Variants in CLCN5 observed in about 807,000 individuals in gnomAD.
CLCN5 encodes H(+)/Cl(-) exchange transporter 5.
A neutral mutation model predicts 54.0 loss-of-function variants in CLCN5; 17 were observed. The ratio of observed to expected loss-of-function variants is 0.31; its 90% CI spans 0.22 to 0.47. The LOEUF (loss-of-function observed/expected upper bound fraction) is 0.47, where lower values mean the gene tolerates loss of function less well. Among genes scored for constraint, CLCN5 ranks in the 20% least tolerant of loss-of-function variants. The probability of loss-of-function intolerance (pLI) is 1.00; values close to 1 mark genes in which losing one functional copy is unlikely to be tolerated. For missense variants in CLCN5, 448 were observed against 646.7 expected (o/e 0.69, Z 3.33); for synonymous variants, 222 against 233.0 (o/e 0.95, Z 0.43).
At chrX:50,076,842 G>A (rs1933423602) in intron 7 of CLCN5, among the ~76,000 whole-genome samples, 1 of 111,968 alleles carries the variant, frequency 8.9e-6, no homozygotes, top group South Asian at 3.7e-4. Flanking sequence ...CCTACCATAT[G>A]TTTTTTGATG....
chrX:49,998,934 T>TG (rs1474267622), intron 3 of CLCN5, among the ~76,000 whole-genome samples: 4 of 111,354 alleles, frequency 3.6e-5, no homozygotes, highest in Non-Finnish European at 7.5e-5. Context: ...AGTGTGTGTG[T>TG]TTTTTAATTC....
At chrX:50,030,941 G>A (rs1179554497) in intron 3 of CLCN5, among the ~76,000 whole-genome samples, 2 of 111,662 alleles carry the variant, frequency 1.8e-5, no homozygotes, top group African/African-American at 3.2e-5. Context: ...ATGTTCCAAA[G>A]TGAAAGTGAT....
intron 4 of CLCN5, among the ~76,000 whole-genome samples, chrX:50,049,088 C>A (rs1557188049): frequency 9.0e-6 from 1 of 111,374 alleles, no homozygotes; most frequent in Non-Finnish European, 1.9e-5. Flanking sequence ...CTGGTTCCTA[C>A]CACTCACAAT....
chrX:49,952,585 CCA>C (rs1927091279), intron 3 of CLCN5, among the ~76,000 whole-genome samples: 1 of 109,694 alleles, frequency 9.1e-6, no homozygotes, highest in Non-Finnish European at 1.9e-5. Flanking sequence ...TTCCTGCTCT[CCA>C]GAGGACACCT....
chrX:49,998,712 C>T (rs907057356), intron 3 of CLCN5, among the ~76,000 whole-genome samples: 8 of 111,412 alleles, frequency 7.2e-5, no homozygotes, highest in African/African-American at 2.6e-4. Context: ...CTCCACCACT[C>T]GTCTATATGT....
intron 3 of CLCN5, among the ~76,000 whole-genome samples, chrX:49,933,252 T>A (rs1320205015): frequency 2.7e-5 from 3 of 111,898 alleles, no homozygotes; most frequent in African/African-American, 9.7e-5. Flanking sequence ...GAAATAAATT[T>A]AAAAAATTTA....
chrX:49,941,943 T>TTTTTAG (rs1926362298), intron 3 of CLCN5, among the ~76,000 whole-genome samples: 2 of 91,145 alleles, frequency 2.2e-5, no homozygotes, highest in Non-Finnish European at 4.2e-5. Context: ...TTTTTTTTTT[T>TTTTTAG]GCAGGAGAAT....
chrX:50,086,450 G>A lies in CLCN5; in HGVS notation c.1137G>A (p.Glu379=). ...GCCGCCTGGTACTATTTTATGTGGA[G>A]TTTCACACCCCATGGCATCTCTTTG... The part of the protein sequence containing the change: ...GNSRLVLFYV[E]FHTPWHLFEL... Residue 379 remains glutamate (E), a synonymous_variant, in exon 11 of 15, where the codon GAG becomes GAA. Coordinates refer to ENST00000376091, the MANE Select transcript of CLCN5 (RefSeq NM_001127898.4). The A allele has an allele frequency of 8.3e-7, 1 of 1,211,282 alleles. No homozygotes were observed. Among genetic ancestry groups the A allele is most frequent in the Non-Finnish European group, 1.1e-6 (1 of 895,489 alleles).
At chrX:50,004,668 G>A (rs1930065169) in intron 3 of CLCN5, among the ~76,000 whole-genome samples, 1 of 111,630 alleles carries the variant, frequency 9.0e-6, no homozygotes, top group Non-Finnish European at 1.9e-5. Context: ...AGCACTTTGT[G>A]GGAGGCTAAG....
chrX:50,004,218 G>A (rs1245963624), intron 3 of CLCN5, among the ~76,000 whole-genome samples: 6 of 112,164 alleles, frequency 5.3e-5, no homozygotes, highest in African/African-American at 1.9e-4. Context: ...CAGCTACTGT[G>A]TGTTGGGTAC....
At chrX:50,053,098 G>T (rs781932890) in intron 4 of CLCN5, among the ~76,000 whole-genome samples, 60 of 111,691 alleles carry the variant, frequency 5.4e-4, no homozygotes, top group Middle Eastern at 4.6e-3. Context: ...TTGTGGCCCA[G>T]GATGTGGTGT....
chrX:50,083,490 G>C (rs782773951), intron 9 of CLCN5, among the ~76,000 whole-genome samples: 1 of 111,976 alleles, frequency 8.9e-6, no homozygotes, highest in African/African-American at 3.2e-5. Context: ...TATTAGAACA[G>C]TTATGAAATT....
chrX:49,925,490 G>A (rs782553797), intron 3 of CLCN5, among the ~76,000 whole-genome samples, 176 bp downstream of exon 3: 9 of 112,713 alleles, frequency 8.0e-5, no homozygotes, highest in Non-Finnish European at 1.3e-4. Context: ...CTAGCTATAA[G>A]TTTAAATTAT....
At chrX:50,084,179 A>G (rs1933809768) in intron 9 of CLCN5, among the ~76,000 whole-genome samples, 1 of 111,949 alleles carries the variant, frequency 8.9e-6, no homozygotes, top group Non-Finnish European at 1.9e-5. Context: ...CTCCTAGGCT[A>G]CAAACATGTA....
In CLCN5 at chrX:50,042,456, G is replaced by A; in HGVS notation, c.157G>A (p.Val53Ile). The A allele has an allele frequency of 9.6e-7, 1 of 1,044,324 alleles. No homozygotes were observed. The highest frequency in any genetic ancestry group is 1.3e-6 in the Non-Finnish European group (1 of 792,196). The allele number at this position is 1,044,324 out of a possible 1,213,427, so 86.1% of individuals were successfully genotyped here. A position where few individuals can be genotyped will look rare whatever the true frequency, so the allele number is the denominator to read the frequency against. The change falls in exon 4 of 15, where the codon GTA becomes ATA. Residue 53 changes from valine (V) to isoleucine (I), a missense_variant. Physicochemically the swap from Val to Ile is conservative, Grantham distance 29. This residue lies in a region of CLCN5 where 69 missense variants were observed against 60.9 expected (regional missense o/e 1.13). Transcript: ENST00000376091. ...TGATGTTCCTCCCTTAGACCGAGAA[G>A]TAGGAGGTATCATTATTGGTGATGA... ...RDDVPPLDRE[V>I]GEDKSYNGGG...
intron 3 of CLCN5, among the ~76,000 whole-genome samples, chrX:49,983,814 T>G (rs1301565215): frequency 9.1e-6 from 1 of 110,025 alleles, no homozygotes; most frequent in Non-Finnish European, 1.9e-5. Context: ...GCAATAGATT[T>G]TTGTGGTTTT....
chrX:50,016,559 T>C (rs1305277322), intron 3 of CLCN5, among the ~76,000 whole-genome samples: 10 of 109,505 alleles, frequency 9.1e-5, no homozygotes, highest in Non-Finnish European at 1.9e-4. Context: ...ATAACTATTA[T>C]TAAATAATAG....
chrX:50,090,695 G>A lies in CLCN5; in HGVS notation c.2169G>A (p.Gly723=). The change falls in exon 14 of 15, where the codon GGG becomes GGA. Residue 723 remains glycine, a synonymous_variant. Coordinates refer to ENST00000376091, the MANE Select transcript of CLCN5 (RefSeq NM_001127898.4). ...SIENARKKQD[G]VVSTSIIYFT... ...AAAATGCTCGAAAGAAACAGGATGG[G>A]GTTGTTAGCACTTCCATCATTTATT... 5.0e-6 allele frequency: 6 copies of A among 1,209,290 alleles called. No homozygotes were observed. The highest frequency in any genetic ancestry group is 4.5e-6 in the Non-Finnish European group (4 of 894,183).
At position 49,928,791 on chromosome X, in the gene CLCN5, G is replaced by A. The variant is rs900011435; in HGVS notation, c.16+3477G>A. Among the ~76,000 whole-genome samples the A allele has an allele frequency of 3.5e-4, 39 of 111,400 alleles. 1 individual carries two copies. Among genetic ancestry groups the A allele is most frequent in the African/African-American group, 1.3e-3 (39 of 30,595 alleles). ...ATACAAAAAGTTAGTCGGGCATGGT[G>A]GCGGGTGCCTGTAGTCCCAGCTACT... On this transcript the variant is annotated intron_variant, in intron 3 of 14. Coordinates refer to ENST00000376091, the MANE Select transcript of CLCN5 (RefSeq NM_001127898.4).
Sources: gnomAD v4.1 joint callset for allele counts (sites outside exome capture counted in the v4.1 genomes callset) on GRCh38, gnomAD v4.1.1 for gene constraint, gnomAD v4.1.1 regional missense constraint, MANE v1.5 for transcripts, NCBI Gene and HGNC (gene_info 2026-07-23, HGNC 2026-07-21) for gene names.